The following FAM222B variants were observed in gnomAD, a reference collection of about 807,000 sequenced individuals.
The protein encoded by FAM222B is family with sequence similarity 222 member B, also known as protein FAM222B.
FAM222B carries 12 observed loss-of-function variants against 38.0 expected under a neutral mutation model. The ratio of observed to expected loss-of-function variants is 0.32; its 90% confidence interval spans 0.20 to 0.51. The LOEUF (loss-of-function observed/expected upper bound fraction) is 0.51. FAM222B is among the 20% of genes least tolerant of loss of function. The pLI is 0.97. For missense variants in FAM222B, 716 were observed against 754.2 expected, an observed-to-expected ratio of 0.95 and a Z score of 0.59; for synonymous variants, 329 against 317.2, an observed-to-expected ratio of 1.04 and a Z score of -0.40.
intron 1 of FAM222B, chr17:28,802,865 C>A (rs2037303732): frequency 6.6e-6 from 1 of 152,418 alleles, no homozygotes; most frequent in South Asian, 2.1e-4. Flanking sequence ...GCAAAAACAA[C>A]AACAAAGTGA....
chr17:28,800,379 G>C (rs2037162866), intron 1 of FAM222B, among the ~76,000 whole-genome samples: 1 of 152,060 alleles, frequency 6.6e-6, no homozygotes, highest in African/African-American at 2.4e-5. Flanking sequence ...AGCAGATGTG[G>C]ACAGATGTGA....
At chr17:28,773,479 CAAA>C (rs66716142) in intron 1 of FAM222B, among the ~76,000 whole-genome samples, 4 of 60,758 alleles carry the variant, frequency 6.6e-5, no homozygotes, top group African/African-American at 7.2e-5. Flanking sequence ...AACTCTGTCT[CAAA>C]AAAAAAAAAA....
At chr17:28,820,550 C>G (rs1489330460) in intron 1 of FAM222B, among the ~76,000 whole-genome samples, 1 of 152,124 alleles carries the variant, frequency 6.6e-6, no homozygotes, top group Non-Finnish European at 1.5e-5. Flanking sequence ...TAAGTCACTC[C>G]CATCAGGCCT....
At chr17:28,788,240 CTTTT>C (rs938475337) in intron 1 of FAM222B, among the ~76,000 whole-genome samples, 10 of 152,118 alleles carry the variant, frequency 6.6e-5, no homozygotes, top group Non-Finnish European at 1.3e-4. Flanking sequence ...TTCAGAATTG[CTTTT>C]TTGTTTGTTT....
At chr17:28,811,887 C>T (rs1317943867) in intron 1 of FAM222B, among the ~76,000 whole-genome samples, 1 of 152,180 alleles carries the variant, frequency 6.6e-6, no homozygotes, top group Non-Finnish European at 1.5e-5. Flanking sequence ...CAAATATCCA[C>T]TCCTAGCTTG....
At chr17:28,832,292 C>T (rs1194963204) in intron 1 of FAM222B, among the ~76,000 whole-genome samples, 2 of 152,182 alleles carry the variant, frequency 1.3e-5, no homozygotes, top group African/African-American at 4.8e-5. Context: ...TAAAGTTTTA[C>T]TTGCACAGCT....
intron 1 of FAM222B, among the ~76,000 whole-genome samples, chr17:28,822,674 G>A (rs576083603): frequency 1.2e-4 from 18 of 147,854 alleles, no homozygotes; most frequent in African/African-American, 3.7e-4. Flanking sequence ...GGTGGCAGGC[G>A]CCTGTAATCC....
intron 1 of FAM222B, among the ~76,000 whole-genome samples, chr17:28,805,658 A>G (rs1038580998): frequency 6.6e-6 from 1 of 152,174 alleles, no homozygotes. Context: ...CTCAAAAAAA[A>G]AAAGAAAGAA....
chr17:28,853,697 G>C lies in FAM222B; in HGVS notation c.-41+1253C>G, dbSNP rs531290064. 6.6e-5 allele frequency among the ~76,000 whole-genome samples: 10 copies of C among 152,234 alleles called. No individual in the cohort carries two copies. The South Asian group carries it at 8.3e-4, about 13-fold the overall frequency. ...TGTTTTGTTCACTGATGTATTCCCA[G>C]CACAGGACAGAGCTTGCTAGTGGAT... On this transcript the variant is annotated intron_variant, in intron 1 of 2. Coordinates refer to the FAM222B transcript ENST00000577513.
intron 1 of FAM222B, among the ~76,000 whole-genome samples, chr17:28,810,924 A>G (rs2037729052): frequency 6.6e-6 from 1 of 152,188 alleles, no homozygotes; most frequent in South Asian, 2.1e-4. Context: ...TCACTAATCT[A>G]GCCAAAAGTG....
chr17:28,767,280 C>T (rs976389252), intron 1 of FAM222B, among the ~76,000 whole-genome samples: 4 of 152,074 alleles, frequency 2.6e-5, no homozygotes, highest in Admixed American at 6.6e-5. Flanking sequence ...TTCAGCCTCC[C>T]GAGTAGCTGG....
At chr17:28,818,670 T>C (rs956423426) in intron 1 of FAM222B, among the ~76,000 whole-genome samples, 1 of 152,168 alleles carries the variant, frequency 6.6e-6, no homozygotes, top group Non-Finnish European at 1.5e-5. Context: ...GTATGGTATA[T>C]TTTTCCCTAA....
At chr17:28,847,901 G>A (rs1430633188) in intron 1 of FAM222B, among the ~76,000 whole-genome samples, 1 of 147,804 alleles carries the variant, frequency 6.8e-6, no homozygotes, top group Admixed American at 6.8e-5. Context: ...GCGAAAGAGC[G>A]AGACTCCGCC....
chr17:28,844,320 A>T (rs370796390), upstream of FAM222B, among the ~76,000 whole-genome samples: 6 of 152,154 alleles, frequency 3.9e-5, no homozygotes, highest in African/African-American at 9.7e-5. Context: ...AGGGGGAAAA[A>T]GAGAAGAAAA....
chr17:28,782,759 T>C (rs1231403609), intron 1 of FAM222B, among the ~76,000 whole-genome samples: 2 of 152,172 alleles, frequency 1.3e-5, no homozygotes, highest in Non-Finnish European at 2.9e-5. Context: ...TCCCAGCTAC[T>C]TGGGAGGCTG....
chr17:28,778,113 G>A (rs1217262298), intron 1 of FAM222B, among the ~76,000 whole-genome samples: 1 of 151,214 alleles, frequency 6.6e-6, no homozygotes, highest in Non-Finnish European at 1.5e-5. Flanking sequence ...GTAAGTTCTG[G>A]GATACATGTG....
intron 1 of FAM222B, among the ~76,000 whole-genome samples, chr17:28,769,587 G>A (rs933141399): frequency 2.6e-5 from 4 of 152,196 alleles, no homozygotes; most frequent in African/African-American, 7.2e-5. Flanking sequence ...GTGAGCCACC[G>A]CGCCCGGCCA....
At chr17:28,811,386 G>A (rs1472994296) in intron 1 of FAM222B, among the ~76,000 whole-genome samples, 1 of 152,154 alleles carries the variant, frequency 6.6e-6, no homozygotes, top group Non-Finnish European at 1.5e-5. Flanking sequence ...GTTGCAGTGA[G>A]CCGAGATCGC....
rs185975488 is a variant in FAM222B at position 28,756,089 on chromosome 17, A to G, written c.*2181T>C. ...GGAGAATGAATGCTACAGTATGTGGATAGAATGGGGAATCCAGGTATTCCC... is the reference window on the plus strand; with the variant it reads ...GGAGAATGAATGCTACAGTATGTGGGTAGAATGGGGAATCCAGGTATTCCC... On this transcript the variant is annotated 3_prime_UTR_variant, in exon 3 of 3. Transcript: ENST00000581407. 2 of 152,770 alleles carry G rather than the reference A, an allele frequency of 1.3e-5. No individual in the cohort carries two copies. Among genetic ancestry groups the G allele is most frequent in the East Asian group, 3.9e-4 (2 of 5,192 alleles). 9.5% of individuals were successfully genotyped at this position (152,770 alleles called of 1,614,324 possible).
Sources: allele counts gnomAD v4.1 joint callset (sites outside exome capture counted in the v4.1 genomes callset), GRCh38; gene constraint gnomAD v4.1.1; transcripts MANE v1.5; gene names NCBI Gene and HGNC (gene_info 2026-07-23, HGNC 2026-07-21).